The following ZRANB3 variants were observed in gnomAD, a reference collection of about 807,000 sequenced individuals.
ZRANB3 encodes zinc finger RANBP2-type containing 3.
ZRANB3 carries 125 observed loss-of-function variants against 133.8 expected under a neutral mutation model. The ratio of observed to expected loss-of-function variants is 0.93; its 90% CI spans 0.81 to 1.08. The LOEUF (loss-of-function observed/expected upper bound fraction) is 1.08, where lower values mean the gene tolerates loss of function less well. Among genes scored for constraint, ZRANB3 ranks in the 50% least tolerant of loss-of-function variants. The pLI is 0.00. For synonymous variants in ZRANB3, 387 were observed against 432.7 expected (o/e 0.89, Z 1.31); for missense variants, 1,229 against 1,275.5 (o/e 0.96, Z 0.56).
chr2:135,418,313 C>T (rs189327138), intron 2 of ZRANB3, among the ~76,000 whole-genome samples: 33 of 152,228 alleles, frequency 2.2e-4, no homozygotes, highest in East Asian at 1.7e-3. Context: ...TGTGGGTTTT[C>T]GTATCCACTG....
At chr2:135,259,171 C>A (rs965055147) in intron 12 of ZRANB3, among the ~76,000 whole-genome samples, 3 of 151,858 alleles carry the variant, frequency 2.0e-5, no homozygotes, top group African/African-American at 7.3e-5. Flanking sequence ...ACGTGTGTAC[C>A]ACCATGCCCA....
chr2:135,320,811 C>G (rs1297589326), intron 6 of ZRANB3, among the ~76,000 whole-genome samples: 2 of 152,196 alleles, frequency 1.3e-5, no homozygotes, highest in East Asian at 3.8e-4. Flanking sequence ...TCCTCTCATC[C>G]TTGGCTCCTG....
At chr2:135,210,768 T>C (rs1248824859) in intron 17 of ZRANB3, among the ~76,000 whole-genome samples, 1 of 152,188 alleles carries the variant, frequency 6.6e-6, no homozygotes, top group Non-Finnish European at 1.5e-5. Context: ...CTGCTAATAG[T>C]GATAGGTATC....
chr2:135,288,238 T>C (rs1264663710), intron 8 of ZRANB3, among the ~76,000 whole-genome samples: 3 of 152,212 alleles, frequency 2.0e-5, no homozygotes, highest in Non-Finnish European at 4.4e-5. Flanking sequence ...ATCACATTTA[T>C]TGGCTTGTGT....
Position 135,372,365 on chromosome 2 carries a change from A to G in ZRANB3, c.180+18437T>C, listed in dbSNP as rs139872422. ...GTTTTTTAAGCCACCTGTCTATTGTATTTTTGTTATAGGAGTCAGATGGGA... is the reference window on the plus strand; with the variant it reads ...GTTTTTTAAGCCACCTGTCTATTGTGTTTTTGTTATAGGAGTCAGATGGGA... On this transcript the variant is annotated intron_variant, in intron 3 of 20. Transcript: ENST00000264159. 3.9e-5 allele frequency among the ~76,000 whole-genome samples: 6 copies of G among 152,148 alleles called. No individual in the cohort carries two copies. The East Asian group carries it at 1.2e-3, about 29-fold the overall frequency.
chr2:135,390,835 A>C lies in ZRANB3; in HGVS notation c.162-15T>G, dbSNP rs1268235145. ...CCACCATACACCTGGAAAAAAAAAA[A>C]AAAAAAAATTAATTATCAGAGTGAA... On this transcript the variant is annotated splice_polypyrimidine_tract_variant and intron_variant, in intron 2 of 20. Transcript: ENST00000264159. The C allele has an allele frequency of 7.2e-6, 11 of 1,519,974 alleles. No homozygotes were observed. The highest frequency in any genetic ancestry group is 9.7e-6 in the Non-Finnish European group (11 of 1,139,842). 94.2% of individuals were successfully genotyped at this position (1,519,974 alleles called of 1,614,324 possible). A position where few individuals can be genotyped will look rare whatever the true frequency, so the allele number is the denominator to read the frequency against.
chr2:135,323,370 C>A (rs1420174037), intron 6 of ZRANB3, among the ~76,000 whole-genome samples: 1 of 152,106 alleles, frequency 6.6e-6, no homozygotes, highest in East Asian at 1.9e-4. Context: ...GGGACACAAT[C>A]TAATTGTTAA....
chr2:135,456,245 T>A (rs146008703), intron 2 of ZRANB3, among the ~76,000 whole-genome samples: 7 of 152,306 alleles, frequency 4.6e-5, no homozygotes, highest in Admixed American at 4.6e-4. Flanking sequence ...TGCAAGCAGT[T>A]CTCCTCCATG....
intron 3 of ZRANB3, 127 bp from the exon 4 acceptor site, chr2:135,353,755 C>A (rs1045394425): frequency 7.1e-6 from 4 of 562,732 alleles, no homozygotes; most frequent in Non-Finnish European, 1.0e-5. Flanking sequence ...AATCCCAGCA[C>A]TTTGGGAGGC....
chr2:135,525,277 A>C (rs539919745), intron 1 of ZRANB3, among the ~76,000 whole-genome samples: 7 of 152,366 alleles, frequency 4.6e-5, no homozygotes, highest in Non-Finnish European at 8.8e-5. Context: ...ATACAAATGA[A>C]ATATAATGAA....
At chr2:135,498,524 C>T (rs562728687) in intron 2 of ZRANB3, among the ~76,000 whole-genome samples, 32 of 152,170 alleles carry the variant, frequency 2.1e-4, no homozygotes, top group Middle Eastern at 6.8e-3. Flanking sequence ...GCGTTAACTG[C>T]ACAAATTGTT....
intron 4 of ZRANB3, among the ~76,000 whole-genome samples, chr2:135,351,142 C>A (rs551702843): frequency 6.6e-6 from 1 of 152,188 alleles, no homozygotes; most frequent in Non-Finnish European, 1.5e-5. Context: ...CAGGACAGAG[C>A]CAGTCTTCTT....
intron 2 of ZRANB3, among the ~76,000 whole-genome samples, chr2:135,444,239 C>T (rs776220833): frequency 6.6e-6 from 1 of 152,086 alleles, no homozygotes; most frequent in Non-Finnish European, 1.5e-5. Flanking sequence ...ATAATATATA[C>T]AGTTAACATA....
intron 3 of ZRANB3, among the ~76,000 whole-genome samples, chr2:135,385,481 G>GA (rs1415703457): frequency 1.3e-5 from 2 of 151,892 alleles, no homozygotes; most frequent in Admixed American, 6.6e-5. Flanking sequence ...CACAGAATTG[G>GA]AAAAAACTAA....
chr2:135,486,788 C>T (rs1390163399), intron 2 of ZRANB3, among the ~76,000 whole-genome samples: 1 of 152,196 alleles, frequency 6.6e-6, no homozygotes, highest in African/African-American at 2.4e-5. Flanking sequence ...GCTGGGATTA[C>T]AGGCATGAGC....
Position 135,202,943 on chromosome 2 carries a change from G to C in ZRANB3, c.3030C>G (p.Asn1010Lys). The C allele has an allele frequency of 6.2e-7, 1 of 1,612,644 alleles. No homozygotes were observed. Among genetic ancestry groups the C allele is most frequent in the Non-Finnish European group, 8.5e-7 (1 of 1,179,404 alleles). Residue 1010 changes from asparagine (N) to lysine (K), a missense_variant, in exon 20 of 21, where the codon AAC becomes AAG. Physicochemically the swap from Asn to Lys is moderately conservative, Grantham distance 94. Transcript: ENST00000264159. ...PLEQLNEMIR[N>K]PGEGHFWQVD... Reference sequence around the variant, plus strand: ...CCTGCCAGAAATGTCCTTCCCCTGGGTTTCTTATCATTTCATTTAGCTGCA... The same window carrying C: ...CCTGCCAGAAATGTCCTTCCCCTGGCTTTCTTATCATTTCATTTAGCTGCA...
In ZRANB3 at chr2:135,198,978, T is replaced by C. The variant is rs926073343; in HGVS notation, c.*1364A>G. On this transcript the variant is annotated 3_prime_UTR_variant, in exon 21 of 21. Transcript: ENST00000264159. ...AATAGTATTTACAAACAGCTCCCTT[T>C]TGGGAATGTAATTCTTCCTCGGTCC... 9.3e-4 allele frequency: 142 copies of C among 152,336 alleles called. No homozygotes were observed. The highest frequency in any genetic ancestry group is 3.2e-3 in the African/African-American group (132 of 41,574). 9.4% of individuals were successfully genotyped at this position (152,336 alleles called of 1,614,324 possible). A position where few individuals can be genotyped will look rare whatever the true frequency, so the allele number is the denominator to read the frequency against.
At chr2:135,474,614 C>A (rs919932114) in intron 2 of ZRANB3, among the ~76,000 whole-genome samples, 6 of 152,164 alleles carry the variant, frequency 3.9e-5, no homozygotes, top group Non-Finnish European at 7.3e-5. Flanking sequence ...TTTGTGAGGT[C>A]TCACCAGTAG....
At chr2:135,297,706 GCCAT>G (rs1435110170) in intron 8 of ZRANB3, among the ~76,000 whole-genome samples, 1 of 152,156 alleles carries the variant, frequency 6.6e-6, no homozygotes, top group African/African-American at 2.4e-5. Context: ...TTCCTATTCA[GCCAT>G]CCTAAAAATT....
Sources: allele counts gnomAD v4.1 joint callset (sites outside exome capture counted in the v4.1 genomes callset), GRCh38; gene constraint gnomAD v4.1.1; transcripts MANE v1.5; gene names NCBI Gene and HGNC (gene_info 2026-07-23, HGNC 2026-07-21).